The following DCHS2 variants were observed in gnomAD, a reference collection of about 807,000 sequenced individuals.
The protein encoded by DCHS2 is protocadherin-23.
In DCHS2, 142 loss-of-function variants were observed where a neutral mutation model predicts 182.4. That is an observed-to-expected ratio of 0.78 (90% CI 0.68 to 0.89). DCHS2 has a LOEUF of 0.89. DCHS2 is among the 40% of genes least tolerant of loss of function. DCHS2 has a pLI of 0.00. For synonymous variants in DCHS2, 1,740 were observed against 1,663.3 expected (o/e 1.05, Z -1.12); for missense variants, 4,319 against 4,198.6 (o/e 1.03, Z -0.79).
At chr4:154,483,678 A>G (rs1205371701) in intron 1 of DCHS2, among the ~76,000 whole-genome samples, 1 of 152,212 alleles carries the variant, frequency 6.6e-6, no homozygotes, top group Non-Finnish European at 1.5e-5. Flanking sequence ...GAGGCTGAAT[A>G]TCTCAGAAGC....
rs1419037330 is a variant in DCHS2 at position 154,490,486 on chromosome 4, G to T, written c.870C>A (p.Asn290Lys). 3.9e-6 allele frequency: 6 copies of T among 1,536,732 alleles called. No homozygotes were observed. The highest frequency in any genetic ancestry group is 5.2e-6 in the Non-Finnish European group (6 of 1,146,458). ...LSVELRVLDE[N>K]DNPPVFEQDE... ...CCTGCTCAAAGACCGGCGGGTTGTC[G>T]TTCTCATCCAGCACGCGCAGCTCCA... is the stretch of plus-strand genomic sequence containing the variant. Residue 290 changes from asparagine (N) to lysine (K), a missense_variant, in exon 1 of 20, where the codon AAC becomes AAA. Transcript: ENST00000357232.
chr4:154,335,483 C>T lies in DCHS2; in HGVS notation c.2477-379G>A, dbSNP rs1363412178. ...AGAAGCATTGGCTCTTCCTAGGTCT[C>T]GAGCCTGCTGGTCTTCAGCCTCAAA... On this transcript the variant is annotated intron_variant, in intron 3 of 19. Coordinates refer to ENST00000357232, the MANE Select transcript of DCHS2 (RefSeq NM_001358235.2). 7.2e-5 allele frequency among the ~76,000 whole-genome samples: 11 copies of T among 152,160 alleles called. 1 individual carries two copies. The highest frequency in any genetic ancestry group is 1.6e-4 in the Non-Finnish European group (11 of 68,024).
intron 1 of DCHS2, among the ~76,000 whole-genome samples, chr4:154,429,636 C>T (rs1733476189): frequency 6.6e-6 from 1 of 152,114 alleles, no homozygotes; most frequent in Admixed American, 6.5e-5. Context: ...CCCTTATTCT[C>T]ATTTTCTAGA....
intron 1 of DCHS2, among the ~76,000 whole-genome samples, chr4:154,433,429 T>C (rs1420970565): frequency 1.4e-5 from 2 of 139,382 alleles, no homozygotes; most frequent in African/African-American, 2.7e-5. Flanking sequence ...AGAGTCTTGC[T>C]CTGTCGCTAG....
At chr4:154,294,185 C>A (rs1259170823) in intron 13 of DCHS2, among the ~76,000 whole-genome samples, 1 of 152,082 alleles carries the variant, frequency 6.6e-6, no homozygotes, top group Admixed American at 6.6e-5. Context: ...TTACAAAGTG[C>A]TCATTTGATC....
At chr4:154,390,529 T>C (rs1486591669) in intron 1 of DCHS2, among the ~76,000 whole-genome samples, 2 of 151,398 alleles carry the variant, frequency 1.3e-5, no homozygotes, top group Non-Finnish European at 3.0e-5. Context: ...CACCCACACA[T>C]GCACACACAC....
intron 3 of DCHS2, among the ~76,000 whole-genome samples, chr4:154,361,998 G>A (rs982096917): frequency 6.6e-6 from 1 of 152,194 alleles, no homozygotes; most frequent in African/African-American, 2.4e-5. Context: ...GAGAATTCTA[G>A]AGTAATTCAG....
chr4:154,420,402 T>C (rs1733062724), intron 1 of DCHS2, among the ~76,000 whole-genome samples: 1 of 152,132 alleles, frequency 6.6e-6, no homozygotes, highest in African/African-American at 2.4e-5. Context: ...CAATGTGCTA[T>C]CTGCAAGCTG....
At chr4:154,305,304 T>C (rs1735398942) in intron 10 of DCHS2, 73 bp from the exon 11 acceptor site, 2 of 1,511,582 alleles carry the variant, frequency 1.3e-6, no homozygotes, top group Non-Finnish European at 1.8e-6. Flanking sequence ...CTATTTCTTT[T>C]CCTTTGAACA....
At chr4:154,445,429 G>A (rs547270245) in intron 1 of DCHS2, among the ~76,000 whole-genome samples, 64 of 152,270 alleles carry the variant, frequency 4.2e-4, no homozygotes, top group African/African-American at 1.4e-3. Flanking sequence ...TGTTCTTAAC[G>A]TATAATTCGT....
At chr4:154,461,868 T>G (rs1735021347) in intron 1 of DCHS2, among the ~76,000 whole-genome samples, 1 of 152,178 alleles carries the variant, frequency 6.6e-6, no homozygotes, top group Non-Finnish European at 1.5e-5. Context: ...AGGGGACATT[T>G]GCAAGAGGAA....
intron 1 of DCHS2, chr4:154,384,427 A>G: frequency 6.2e-7 from 1 of 1,612,974 alleles, no homozygotes; most frequent in Non-Finnish European, 8.5e-7. Context: ...ATAGCACCCC[A>G]GAGCTCAGTC....
chr4:154,454,502 G>A, intron 1 of DCHS2, among the ~76,000 whole-genome samples: 1 of 152,170 alleles, frequency 6.6e-6, no homozygotes, highest in Non-Finnish European at 1.5e-5. Context: ...TTCTACATAT[G>A]GACTTAAAAA....
intron 10 of DCHS2, among the ~76,000 whole-genome samples, chr4:154,306,145 G>A (rs1204446915): frequency 6.6e-6 from 1 of 152,108 alleles, no homozygotes; most frequent in Non-Finnish European, 1.5e-5. Context: ...ATATAGGACT[G>A]AGAGCTGAAA....
At chr4:154,422,730 C>G (rs1437084066) in intron 1 of DCHS2, among the ~76,000 whole-genome samples, 1 of 152,200 alleles carries the variant, frequency 6.6e-6, no homozygotes, top group East Asian at 1.9e-4. Flanking sequence ...CTCCCTCAGC[C>G]CCATGCTCCA....
In DCHS2 at chr4:154,390,677, G is replaced by A. The variant is rs370356425; in HGVS notation, c.2053-13233C>T. Among the ~76,000 whole-genome samples, 4 of 151,688 alleles carry A rather than the reference G, an allele frequency of 2.6e-5. No homozygotes were observed. The East Asian group carries it at 7.8e-4, about 29-fold the overall frequency. ...ACTGTTTATTATTAGCATTAACAGT[G>A]TTAGTAACAAGTGAAGTTCTCTTAG... On this transcript the variant is annotated intron_variant, in intron 1 of 19. Coordinates refer to ENST00000357232, the MANE Select transcript of DCHS2 (RefSeq NM_001358235.2).
At chr4:154,330,786 T>C (rs777352600) in intron 5 of DCHS2, among the ~76,000 whole-genome samples, 13 of 152,236 alleles carry the variant, frequency 8.5e-5, no homozygotes, top group Non-Finnish European at 1.6e-4. Context: ...ACTGTTAATA[T>C]ATAAACTATA....
At chr4:154,391,228 C>G in intron 1 of DCHS2, 1 of 1,613,668 alleles carries the variant, frequency 6.2e-7, no homozygotes, top group Non-Finnish European at 8.5e-7. Flanking sequence ...TCAGTACTTT[C>G]AAACTGCTGA....
chr4:154,350,323 G>A (rs559412261), intron 3 of DCHS2, among the ~76,000 whole-genome samples: 2 of 152,230 alleles, frequency 1.3e-5, no homozygotes, highest in South Asian at 2.1e-4. Flanking sequence ...CTAACAACTA[G>A]CACCAAAAAC....
Sources: allele counts gnomAD v4.1 joint callset (sites outside exome capture counted in the v4.1 genomes callset), GRCh38; gene constraint gnomAD v4.1.1; transcripts MANE v1.5; gene names NCBI Gene and HGNC (gene_info 2026-07-23, HGNC 2026-07-21).